Variants in CR1 observed in about 807,000 individuals in gnomAD.
CR1 encodes the protein complement receptor type 1.
CR1 carries 116 observed loss-of-function variants against 187.3 expected under a neutral mutation model. The observed-to-expected ratio is 0.62, with a 90% CI of 0.53 to 0.72. The LOEUF (loss-of-function observed/expected upper bound fraction) is 0.72. Among genes scored for constraint, CR1 ranks in the 30% least tolerant of loss-of-function variants. The pLI is 0.00. For missense variants in CR1, 1,731 were observed against 2,110.7 expected (o/e 0.82, Z 3.52); for synonymous variants, 576 against 747.1 (o/e 0.77, Z 3.73).
chr1:207,593,307 A>G (rs1002126921), intron 35 of CR1, among the ~76,000 whole-genome samples: 5 of 152,170 alleles, frequency 3.3e-5, no homozygotes, highest in Non-Finnish European at 7.4e-5. Context: ...AATGCCACAC[A>G]TCTACAACCA....
In CR1 at chr1:207,506,024, C is replaced by T. The variant is rs748011435; in HGVS notation, c.242C>T (p.Pro81Leu). 6.2e-6 allele frequency: 10 copies of T among 1,613,806 alleles called. No individual in the cohort carries two copies. The highest frequency in any genetic ancestry group is 3.3e-5 in the South Asian group (3 of 91,064). ...YECRPGYSGRPFSIICLKNSV... is the reference protein window; with the variant it reads ...YECRPGYSGRLFSIICLKNSV... Reference sequence around the variant, plus strand: ...TGCCGCCCTGGTTATTCCGGAAGACCGTTTTCTATCATCTGCCTAAAAAAC... The same window carrying T: ...TGCCGCCCTGGTTATTCCGGAAGACTGTTTTCTATCATCTGCCTAAAAAAC... Residue 81 changes from proline to leucine, a missense_variant, in exon 2 of 47, where the codon CCG becomes CTG. Around this residue, in one of 5 missense-constraint regions of CR1, gnomAD observed 237 missense variants for 240.4 expected, o/e 0.99. Transcript: ENST00000367049.
At chr1:207,606,025 T>C (rs1243693787) in intron 35 of CR1, 1 of 152,178 alleles carries the variant, frequency 6.6e-6, no homozygotes, top group Non-Finnish European at 1.5e-5. Context: ...ATCTCAAACA[T>C]AGATAGTAGT....
At chr1:207,600,869 C>T (rs1661584644) in intron 35 of CR1, 1 of 152,008 alleles carries the variant, frequency 6.6e-6, no homozygotes, top group South Asian at 2.1e-4. Context: ...TAATGGTAAG[C>T]CTTACATTAT....
At chr1:207,572,550 A>G (rs115605907) in intron 27 of CR1, among the ~76,000 whole-genome samples, 3,248 of 152,034 alleles carry the variant, frequency 0.021, 74 homozygotes, top group Non-Finnish European at 0.029. Flanking sequence ...ACCATATAGT[A>G]TAAACACAAC....
intron 35 of CR1, among the ~76,000 whole-genome samples, chr1:207,602,961 A>T (rs1312550573): frequency 6.6e-6 from 1 of 152,176 alleles, no homozygotes; most frequent in Non-Finnish European, 1.5e-5. Flanking sequence ...TATAAGCAGA[A>T]GATTTAAAAG....
chr1:207,585,050 G>A (rs1478888588), intron 33 of CR1, among the ~76,000 whole-genome samples, 174 bp downstream of exon 33: 2 of 152,124 alleles, frequency 1.3e-5, no homozygotes, highest in African/African-American at 4.8e-5. Flanking sequence ...GCCAAGGTAT[G>A]TTTGAATCTA....
At chr1:207,523,329 A>G (rs1660055732) in intron 4 of CR1, among the ~76,000 whole-genome samples, 1 of 152,236 alleles carries the variant, frequency 6.6e-6, no homozygotes, top group Non-Finnish European at 1.5e-5. Context: ...AAAACTGTAT[A>G]AATACTATAA....
At chr1:207,578,326 G>T in intron 29 of CR1, 123 bp downstream of exon 29, 1 of 1,565,876 alleles carries the variant, frequency 6.4e-7, no homozygotes, top group Non-Finnish European at 8.7e-7. Context: ...AAGTTTTGGG[G>T]GAAGAAGCAT....
intron 3 of CR1, 138 bp from the exon 4 acceptor site, chr1:207,511,431 G>T (rs1659613145): frequency 3.1e-6 from 2 of 648,836 alleles, no homozygotes; most frequent in Admixed American, 3.4e-5. Context: ...TGAAACTTGG[G>T]AAAGTGATAG....
intron 28 of CR1, among the ~76,000 whole-genome samples, chr1:207,576,710 C>T (rs1332316310): frequency 6.6e-6 from 1 of 151,794 alleles, no homozygotes; most frequent in Non-Finnish European, 1.5e-5. Flanking sequence ...CCCAACTACT[C>T]GGGAGACTGA....
intron 3 of CR1, among the ~76,000 whole-genome samples, chr1:207,508,296 G>A (rs1279839595): frequency 6.6e-6 from 1 of 152,218 alleles, no homozygotes; most frequent in African/African-American, 2.4e-5. Context: ...TATGGACTTG[G>A]GGTGGCCATG....
chr1:207,626,004 G>A (rs1418407965), intron 45 of CR1, among the ~76,000 whole-genome samples: 1 of 152,106 alleles, frequency 6.6e-6, no homozygotes, highest in Non-Finnish European at 1.5e-5. Context: ...CTTTCATTAG[G>A]TTTCAGGTCC....
chr1:207,633,613 A>G (rs1210639660), intron 46 of CR1, among the ~76,000 whole-genome samples: 1 of 152,196 alleles, frequency 6.6e-6, no homozygotes, highest in Non-Finnish European at 1.5e-5. Context: ...CATTGTGCTT[A>G]TGTGTGTTTT....
At chr1:207,623,103 C>T (rs1351801099) in intron 45 of CR1, 35 bp downstream of exon 45, 6 of 1,393,706 alleles carry the variant, frequency 4.3e-6, no homozygotes, top group Non-Finnish European at 5.0e-6. Flanking sequence ...GAAATGTAAA[C>T]TGTACTTACC....
rs1413738667 is a variant in CR1, at chr1:207,619,962, T to C, written c.7149T>C (p.Tyr2383=). The C allele has an allele frequency of 6.2e-7, 1 of 1,613,158 alleles. No homozygotes were observed. Among genetic ancestry groups the C allele is most frequent in the African/African-American group, 1.3e-5 (1 of 74,920 alleles). Residue 2383 remains tyrosine (Y), a synonymous_variant, in exon 43 of 47, where the codon TAT becomes TAC. Coordinates refer to ENST00000367049, the MANE Select transcript of CR1 (RefSeq NM_000651.6). The part of the protein sequence containing the change: ...EMKKVYHYGD[Y]VTLKCEDGYT... The stretch of plus-strand genomic sequence containing the variant: ...AAAAAGTATATCACTATGGAGATTA[T>C]GTGACTTTGAAGTGTGAAGATGGGT...
At chr1:207,634,663 A>G (rs1662756957) in intron 46 of CR1, among the ~76,000 whole-genome samples, 1 of 152,050 alleles carries the variant, frequency 6.6e-6, no homozygotes, top group African/African-American at 2.4e-5. Context: ...CCCTTGGTGG[A>G]AGGACACCAT....
intron 27 of CR1, among the ~76,000 whole-genome samples, chr1:207,573,847 G>A (rs1370316364): frequency 6.6e-6 from 1 of 152,084 alleles, no homozygotes; most frequent in Admixed American, 6.6e-5. Context: ...AAAAGGAGAA[G>A]ACAGGCAAGC....
At chr1:207,597,617 G>A (rs1661484909) in intron 35 of CR1, among the ~76,000 whole-genome samples, 1 of 152,180 alleles carries the variant, frequency 6.6e-6, no homozygotes, top group African/African-American at 2.4e-5. Context: ...GCGAGGATGT[G>A]GAGAAATTAG....
chr1:207,511,013 C>T (rs897204114), intron 3 of CR1, among the ~76,000 whole-genome samples: 3 of 151,736 alleles, frequency 2.0e-5, no homozygotes, highest in East Asian at 1.9e-4. Context: ...GTACAGACAG[C>T]TTCTCACTAT....
Sources: allele counts gnomAD v4.1 joint callset (sites outside exome capture counted in the v4.1 genomes callset), GRCh38; gene constraint gnomAD v4.1.1; regional missense constraint gnomAD v4.1.1; transcripts MANE v1.5; gene names NCBI Gene and HGNC (gene_info 2026-07-23, HGNC 2026-07-21).